PTDSS1: variants seen among roughly 807,000 people sequenced by gnomAD.
The protein encoded by PTDSS1 is phosphatidylserine synthase 1, also known as PSS-1.
In PTDSS1, 45 loss-of-function variants were observed where a neutral mutation model predicts 70.5. The observed-to-expected ratio is 0.64, with a 90% CI of 0.50 to 0.82. The LOEUF is 0.82. Among genes scored for constraint, PTDSS1 ranks in the 40% least tolerant of loss-of-function variants. The pLI is 0.00. For missense variants in PTDSS1, 417 were observed against 586.1 expected (o/e 0.71, Z 2.98); for synonymous variants, 188 against 203.8 (o/e 0.92, Z 0.66).
intron 2 of PTDSS1, among the ~76,000 whole-genome samples, chr8:96,274,635 G>A (rs748818468): frequency 1.3e-5 from 2 of 152,194 alleles, no homozygotes; most frequent in African/African-American, 2.4e-5. Context: ...TGAGGCAGGA[G>A]AATCGTTTGA....
intron 6 of PTDSS1, among the ~76,000 whole-genome samples, chr8:96,300,472 G>A (rs1469911061): frequency 1.3e-5 from 2 of 152,152 alleles, no homozygotes; most frequent in African/African-American, 4.8e-5. Context: ...GAAGTTCTCT[G>A]AATAGTTTTA....
At chr8:96,315,877 A>G (rs977011961) in intron 9 of PTDSS1, among the ~76,000 whole-genome samples, 2 of 152,130 alleles carry the variant, frequency 1.3e-5, no homozygotes, top group African/African-American at 4.8e-5. Flanking sequence ...AAAGGGACCT[A>G]TTGCTGAGCT....
intron 2 of PTDSS1, among the ~76,000 whole-genome samples, chr8:96,279,044 C>A (rs961958589): frequency 6.8e-6 from 1 of 146,960 alleles, no homozygotes; most frequent in African/African-American, 2.5e-5. Flanking sequence ...AATCTTGGCT[C>A]ACTGCACCCT....
intron 7 of PTDSS1, among the ~76,000 whole-genome samples, chr8:96,305,347 T>C (rs940961771): frequency 6.6e-6 from 1 of 152,194 alleles, no homozygotes; most frequent in African/African-American, 2.4e-5. Flanking sequence ...GAAAACAACA[T>C]GCATTTTGTG....
chr8:96,291,157 G>A (rs762452399), intron 4 of PTDSS1, among the ~76,000 whole-genome samples: 1 of 152,034 alleles, frequency 6.6e-6, no homozygotes. Flanking sequence ...TGGTGGGAGT[G>A]GGGGAGAGGG....
intron 2 of PTDSS1, among the ~76,000 whole-genome samples, chr8:96,278,015 C>A (rs1199334987): frequency 6.6e-6 from 1 of 152,242 alleles, no homozygotes; most frequent in Non-Finnish European, 1.5e-5. Context: ...GACCCAGCTT[C>A]TTTACCCCTT....
intron 10 of PTDSS1, among the ~76,000 whole-genome samples, chr8:96,322,447 C>G (rs981592529): frequency 1.3e-5 from 2 of 152,060 alleles, no homozygotes; most frequent in Non-Finnish European, 2.9e-5. Flanking sequence ...GTGGGCCGGA[C>G]TTACCCTTCT....
At chr8:96,329,953 C>T (rs1811490228) in intron 10 of PTDSS1, among the ~76,000 whole-genome samples, 1 of 152,184 alleles carries the variant, frequency 6.6e-6, no homozygotes, top group Non-Finnish European at 1.5e-5. Flanking sequence ...CACCATATTG[C>T]ACATCTGAAA....
chr8:96,306,658 A>G, intron 8 of PTDSS1, 102 bp downstream of exon 8: 2 of 888,674 alleles, frequency 2.3e-6, no homozygotes, highest in Non-Finnish European at 3.6e-6. Flanking sequence ...ATTTTCCATG[A>G]AAATACCATC....
chr8:96,269,685 C>G (rs576297166), intron 1 of PTDSS1, among the ~76,000 whole-genome samples: 229 of 152,268 alleles, frequency 1.5e-3, no homozygotes, highest in African/African-American at 5.2e-3. Flanking sequence ...GGTGAATACC[C>G]AGGCTTTTTT....
chr8:96,271,949 A>AT (rs1810573069), intron 1 of PTDSS1, among the ~76,000 whole-genome samples: 4 of 152,160 alleles, frequency 2.6e-5, no homozygotes, highest in African/African-American at 4.8e-5. Flanking sequence ...AGAGCCTTAG[A>AT]TTTTTTACTC....
chr8:96,299,503 C>G (rs1041183092), intron 5 of PTDSS1, among the ~76,000 whole-genome samples, 191 bp from the exon 6 acceptor site: 4 of 152,128 alleles, frequency 2.6e-5, no homozygotes, highest in Non-Finnish European at 5.9e-5. Flanking sequence ...TGTTTGCAAA[C>G]CATCTGCAAT....
intron 2 of PTDSS1, among the ~76,000 whole-genome samples, chr8:96,283,139 T>G (rs573909258): frequency 6.6e-6 from 1 of 152,314 alleles, no homozygotes; most frequent in South Asian, 2.1e-4. Flanking sequence ...CTGTACCTAC[T>G]CCCTTTACTG....
At chr8:96,278,665 A>G (rs1810684921) in intron 2 of PTDSS1, among the ~76,000 whole-genome samples, 1 of 152,158 alleles carries the variant, frequency 6.6e-6, no homozygotes, top group African/African-American at 2.4e-5. Context: ...ATACCACCCT[A>G]TCACTGGAGT....
chr8:96,292,841 G>A (rs1810926286), intron 4 of PTDSS1, among the ~76,000 whole-genome samples: 1 of 152,224 alleles, frequency 6.6e-6, no homozygotes, highest in South Asian at 2.1e-4. Context: ...AGCAGGGCCT[G>A]ACCCACAAAA....
intron 2 of PTDSS1, among the ~76,000 whole-genome samples, chr8:96,281,089 G>A (rs561611229): frequency 3.3e-5 from 5 of 152,270 alleles, no homozygotes; most frequent in Non-Finnish European, 7.4e-5. Context: ...GCTCTGCAAA[G>A]GTGACTTGAC....
intron 12 of PTDSS1, among the ~76,000 whole-genome samples, chr8:96,333,095 A>G (rs758863118): frequency 6.6e-6 from 1 of 152,154 alleles, no homozygotes; most frequent in Non-Finnish European, 1.5e-5. Flanking sequence ...GCAGGGCAGG[A>G]TGGGCACCGC....
chr8:96,278,221 A>G (rs747511718), intron 2 of PTDSS1, among the ~76,000 whole-genome samples: 9 of 152,206 alleles, frequency 5.9e-5, no homozygotes, highest in Non-Finnish European at 8.8e-5. Context: ...ATTGGGCCAC[A>G]TGTCTCTTCT....
At chr8:96,281,431 G>A (rs929615151) in intron 2 of PTDSS1, among the ~76,000 whole-genome samples, 2 of 152,020 alleles carry the variant, frequency 1.3e-5, no homozygotes, top group African/African-American at 4.8e-5. Flanking sequence ...ACATTCCAGG[G>A]CCTTATCTCA....
Sources: gnomAD v4.1 joint callset for allele counts (sites outside exome capture counted in the v4.1 genomes callset) on GRCh38, gnomAD v4.1.1 for gene constraint, MANE v1.5 for transcripts, NCBI Gene and HGNC (gene_info 2026-07-23, HGNC 2026-07-21) for gene names.